Variants in ZNF717 observed in about 807,000 individuals in gnomAD.
ZNF717 encodes the protein krueppel-like factor X17.
In ZNF717, 9 loss-of-function variants were observed where a neutral mutation model predicts 13.8. The ratio of observed to expected loss-of-function variants is 0.65; its 90% CI spans 0.39 to 1.14. The LOEUF (loss-of-function observed/expected upper bound fraction) is 1.14, where lower values mean the gene tolerates loss of function less well. Among genes scored for constraint, ZNF717 ranks in the 50% most tolerant of loss-of-function variants. ZNF717 has a pLI of 0.01. For missense variants in ZNF717, 1,040 were observed against 1,080.7 expected, an observed-to-expected ratio of 0.96 and a Z score of 0.53; for synonymous variants, 327 against 364.1, an observed-to-expected ratio of 0.90 and a Z score of 1.16.
At chr3:75,723,607 C>A (rs1483656845) in intron 4 of ZNF717, among the ~76,000 whole-genome samples, 1 of 152,190 alleles carries the variant, frequency 6.6e-6, no homozygotes, top group African/African-American at 2.4e-5. Flanking sequence ...CCAGTCCATA[C>A]AGAGATAGGA....
intron 2 of ZNF717, among the ~76,000 whole-genome samples, chr3:75,763,734 C>T (rs969060453): frequency 1.3e-5 from 2 of 152,214 alleles, no homozygotes; most frequent in Non-Finnish European, 2.9e-5. Context: ...ACTAAAATTA[C>T]TAGAAACACC....
At chr3:75,756,009 T>G (rs1216742277) in intron 2 of ZNF717, among the ~76,000 whole-genome samples, 1 of 79,296 alleles carries the variant, frequency 1.3e-5, no homozygotes, top group African/African-American at 3.8e-5. Flanking sequence ...TTTGTGACCA[T>G]GTTTTTTACA....
chr3:75,714,470 T>C (rs1422729676), intron 5 of ZNF717, among the ~76,000 whole-genome samples: 2 of 152,074 alleles, frequency 1.3e-5, no homozygotes, highest in African/African-American at 4.8e-5. Flanking sequence ...AATATTGGAA[T>C]AAAGAGTAAT....
chr3:75,758,135 A>AAG (rs1261630408), intron 2 of ZNF717, among the ~76,000 whole-genome samples: 15 of 148,688 alleles, frequency 1.0e-4, no homozygotes, highest in Non-Finnish European at 1.3e-4. Flanking sequence ...AAAAAAAAAA[A>AAG]AGAGAGAGAG....
At chr3:75,750,041 C>G (rs1295165592) in intron 2 of ZNF717, among the ~76,000 whole-genome samples, 1 of 151,600 alleles carries the variant, frequency 6.6e-6, no homozygotes. Flanking sequence ...CATAGGATTC[C>G]AGAACACTGC....
chr3:75,710,285 A>G (rs1351399336), exon 6 of ZNF717: 5 of 152,262 alleles, frequency 3.3e-5, no homozygotes, highest in Non-Finnish European at 7.3e-5. Context: ...ACAAGGAATC[A>G]GGTGAGATGG....
intron 4 of ZNF717, among the ~76,000 whole-genome samples, chr3:75,724,512 C>A (rs1938237322): frequency 6.6e-6 from 1 of 152,274 alleles, no homozygotes; most frequent in East Asian, 1.9e-4. Context: ...AGCCACTGCA[C>A]CCTGTCACAC....
chr3:75,735,184 C>T (rs1174709997), downstream of ZNF717, among the ~76,000 whole-genome samples: 1 of 152,106 alleles, frequency 6.6e-6, no homozygotes, highest in African/African-American at 2.4e-5. Flanking sequence ...AAACAAATGG[C>T]AACAATAACA....
At chr3:75,730,495 A>G (rs1938466083) in exon 6 of ZNF717, 1 of 565,068 alleles carries the variant, frequency 1.8e-6, no homozygotes. Flanking sequence ...TAAAAGAACA[A>G]TATGATGGCC....
chr3:75,710,312 GTCT>G (rs1235553588), exon 6 of ZNF717: 3 of 152,312 alleles, frequency 2.0e-5, no homozygotes, highest in South Asian at 2.1e-4. Flanking sequence ...CACATGGCCT[GTCT>G]TCTTCTTTTG....
At chr3:75,717,854 C>T (rs1429938938) in intron 4 of ZNF717, among the ~76,000 whole-genome samples, 5 of 152,206 alleles carry the variant, frequency 3.3e-5, no homozygotes, top group Non-Finnish European at 5.9e-5. Context: ...CACAACAATT[C>T]ATTTTCAACA....
chr3:75,699,919 G>A (rs1193691269), intron 6 of ZNF717, among the ~76,000 whole-genome samples: 2 of 19,522 alleles, frequency 1.0e-4, no homozygotes, highest in Non-Finnish European at 2.9e-4. Flanking sequence ...GAATCAAAAT[G>A]TGTGGGAATT....
chr3:75,732,709 T>C (rs1938682494), downstream of ZNF717, among the ~76,000 whole-genome samples: 1 of 152,282 alleles, frequency 6.6e-6, no homozygotes, highest in African/African-American at 2.4e-5. Flanking sequence ...ACAAATTACT[T>C]GCTCTAAGTT....
At chr3:75,713,740 A>G (rs1352215733) in intron 5 of ZNF717, among the ~76,000 whole-genome samples, 2 of 152,162 alleles carry the variant, frequency 1.3e-5, no homozygotes, top group Non-Finnish European at 2.9e-5. Flanking sequence ...CATAGAAATA[A>G]AGGCACAAGA....
intron 2 of ZNF717, among the ~76,000 whole-genome samples, chr3:75,774,706 C>T (rs61662571): frequency 0.079 from 11,834 of 149,438 alleles, 782 homozygotes; most frequent in African/African-American, 0.17. Context: ...CTGCAAGCTC[C>T]GCCTCCCGGG....
chr3:75,755,193 TAAATG>T (rs1055728379), intron 2 of ZNF717, among the ~76,000 whole-genome samples: 49 of 152,336 alleles, frequency 3.2e-4, no homozygotes, highest in African/African-American at 1.1e-3. Flanking sequence ...CAAGAAATGT[TAAATG>T]AAATTCTTTA....
At chr3:75,741,543 T>C (rs1237223169) in intron 3 of ZNF717, 67 bp downstream of exon 3, 28 of 1,531,426 alleles carry the variant, frequency 1.8e-5, no homozygotes, top group Non-Finnish European at 2.3e-5. Context: ...TATTATACCT[T>C]AAAAGGGTTC....
intron 2 of ZNF717, among the ~76,000 whole-genome samples, chr3:75,764,899 T>C (rs564900784): frequency 4.0e-5 from 6 of 151,728 alleles, no homozygotes; most frequent in Non-Finnish European, 7.4e-5. Flanking sequence ...CTCAAACAGA[T>C]ATGTGCACAC....
chr3:75,775,673 T>C (rs1215095906), intron 2 of ZNF717, among the ~76,000 whole-genome samples: 2 of 151,926 alleles, frequency 1.3e-5, no homozygotes, highest in Non-Finnish European at 2.9e-5. Flanking sequence ...TGGCCAATGG[T>C]GAAACCCCGC....
Sources: gnomAD v4.1 joint callset for allele counts (sites outside exome capture counted in the v4.1 genomes callset) on GRCh38, gnomAD v4.1.1 for gene constraint, MANE v1.5 for transcripts, NCBI Gene and HGNC (gene_info 2026-07-23, HGNC 2026-07-21) for gene names.